ATP8A1: variants seen among roughly 807,000 people sequenced by gnomAD.
ATP8A1 encodes the protein phospholipid-transporting ATPase IA.
Under a neutral mutation model 177.7 loss-of-function variants are expected in ATP8A1, and 90 were observed. The observed-to-expected ratio is 0.51, with a 90% confidence interval of 0.43 to 0.60. The LOEUF (loss-of-function observed/expected upper bound fraction) is 0.60. Among genes scored for constraint, ATP8A1 ranks in the 20% least tolerant of loss-of-function variants. The pLI, the probability that ATP8A1 is intolerant of heterozygous loss-of-function variation, is 0.00. For missense variants in ATP8A1, 1,072 were observed against 1,392.8 expected (o/e 0.77, Z 3.67); for synonymous variants, 493 against 485.9 (o/e 1.01, Z -0.19).
At position 42,569,178 on chromosome 4, in the gene ATP8A1, G is replaced by A; in HGVS notation, c.1323C>T (p.Gly441=). Residue 441 remains glycine, a synonymous_variant, in exon 15 of 37, where the codon GGC becomes GGT. Transcript: ENST00000381668. ...YGHVPEPEDY[G]CSPDEWQNSQ... Reference sequence around the variant, plus strand: ...GAGCTTACCATTCATCAGGAGAGCAGCCATAATCCTCAGGTTCAGGGACAT... The same window carrying A: ...GAGCTTACCATTCATCAGGAGAGCAACCATAATCCTCAGGTTCAGGGACAT... The A allele has an allele frequency of 6.2e-7, 1 of 1,607,998 alleles. No individual in the cohort carries two copies. The highest frequency in any genetic ancestry group is 8.5e-7 in the Non-Finnish European group (1 of 1,176,946).
intron 16 of ATP8A1, among the ~76,000 whole-genome samples, chr4:42,553,762 CAAAT>C (rs1175143260): frequency 3.3e-5 from 5 of 152,048 alleles, no homozygotes; most frequent in African/African-American, 1.2e-4. Flanking sequence ...AGACCGAACA[CAAAT>C]AAATATACAC....
chr4:42,626,267 T>C (rs940754782), intron 2 of ATP8A1: 1 of 152,262 alleles, frequency 6.6e-6, no homozygotes, highest in Non-Finnish European at 1.5e-5. Flanking sequence ...ACTTAGGTCT[T>C]AGAAACACCC....
intron 1 of ATP8A1, among the ~76,000 whole-genome samples, chr4:42,635,780 C>CATATATATATATATATAT (rs1317800276): frequency 2.1e-3 from 93 of 43,386 alleles, no homozygotes; most frequent in Middle Eastern, 0.016. Flanking sequence ...CACACACACA[C>CATATATATATATATATAT]ACATATATAT....
intron 5 of ATP8A1, among the ~76,000 whole-genome samples, chr4:42,606,363 T>C (rs569890495): frequency 6.6e-6 from 1 of 152,178 alleles, no homozygotes; most frequent in African/African-American, 2.4e-5. Flanking sequence ...CCATGGTATG[T>C]ATGTGAAATC....
rs142888758 is a variant in ATP8A1 at position 42,450,700 on chromosome 4, C to A, written c.2896+1281G>T. Among the ~76,000 whole-genome samples the A allele has an allele frequency of 7.3e-3, 1,118 of 152,146 alleles. 16 individuals carry two copies. The highest frequency in any genetic ancestry group is 0.041 in the Middle Eastern group (12 of 294). ...AAACCACTGCCTTCTTTGTAATACT[C>A]ACCTCGCTTATGCCACAAGCTCTTG... On this transcript the variant is annotated intron_variant, in intron 30 of 36. Transcript: ENST00000381668.
intron 1 of ATP8A1, among the ~76,000 whole-genome samples, chr4:42,649,840 A>T (rs1740908942): frequency 6.6e-6 from 1 of 152,146 alleles, no homozygotes; most frequent in South Asian, 2.1e-4. Flanking sequence ...TAGGACATAG[A>T]TTCATTCATT....
chr4:42,507,586 G>C (rs1724504937), intron 22 of ATP8A1, among the ~76,000 whole-genome samples: 1 of 151,554 alleles, frequency 6.6e-6, no homozygotes, highest in Non-Finnish European at 1.5e-5. Context: ...GAAAGCAGCT[G>C]GGCATGGTGG....
chr4:42,420,020 CA>C (rs34391125), intron 35 of ATP8A1, among the ~76,000 whole-genome samples: 9 of 126,050 alleles, frequency 7.1e-5, no homozygotes, highest in African/African-American at 1.6e-4. Flanking sequence ...AACAAACAAA[CA>C]AAAAAAAAAA....
intron 31 of ATP8A1, among the ~76,000 whole-genome samples, chr4:42,445,486 CAATCT>C (rs1349353790): frequency 1.3e-5 from 2 of 151,920 alleles, no homozygotes; most frequent in Admixed American, 6.6e-5. Flanking sequence ...TATAATAATA[CAATCT>C]TAAATATTGT....
intron 1 of ATP8A1, among the ~76,000 whole-genome samples, chr4:42,640,549 C>A (rs1387525025): frequency 1.3e-5 from 2 of 152,172 alleles, no homozygotes; most frequent in Non-Finnish European, 1.5e-5. Flanking sequence ...AAAAATAGAA[C>A]CCTCAGCATC....
chr4:42,510,054 T>C (rs114344766), intron 22 of ATP8A1, among the ~76,000 whole-genome samples: 1,530 of 152,254 alleles, frequency 0.01, 25 homozygotes, highest in African/African-American at 0.035. Context: ...CAGCATTGAA[T>C]GTCAGCATTT....
chr4:42,633,420 T>G (rs540615990), intron 1 of ATP8A1, among the ~76,000 whole-genome samples: 1 of 152,358 alleles, frequency 6.6e-6, no homozygotes, highest in South Asian at 2.1e-4. Flanking sequence ...TGTTGTTCAT[T>G]CATTTGCTTA....
intron 30 of ATP8A1, 142 bp from the exon 31 acceptor site, chr4:42,446,786 ACCC>A: frequency 1.1e-5 from 7 of 656,860 alleles, no homozygotes; most frequent in Non-Finnish European, 1.8e-5. Flanking sequence ...AAAAAAAACA[ACCC>A]CAAACACTCT....
intron 1 of ATP8A1, among the ~76,000 whole-genome samples, chr4:42,651,806 C>T (rs1050276997): frequency 5.3e-5 from 8 of 152,184 alleles, no homozygotes; most frequent in African/African-American, 1.9e-4. Flanking sequence ...AGCCAACATC[C>T]CTTATGACTT....
chr4:42,620,979 C>T (rs772062335), intron 4 of ATP8A1, among the ~76,000 whole-genome samples: 2 of 152,138 alleles, frequency 1.3e-5, no homozygotes, highest in East Asian at 1.9e-4. Flanking sequence ...GAAACACTAG[C>T]ATGATGCCTA....
intron 6 of ATP8A1, among the ~76,000 whole-genome samples, chr4:42,597,397 C>T (rs1734823887): frequency 6.6e-6 from 1 of 152,174 alleles, no homozygotes; most frequent in Admixed American, 6.5e-5. Context: ...ATTTACAAAG[C>T]CAGTATTTCA....
At position 42,507,256 on chromosome 4, in the gene ATP8A1, T is replaced by C. The variant is rs1724466131; in HGVS notation, c.1948-102A>G. On this transcript the variant is annotated intron_variant, in intron 22 of 36. Transcript: ENST00000381668. Reference sequence around the variant, plus strand: ...TGTTTTAAAATCAGAGACTAAATGATAATTCATGGACTTTGGTGTAAATTC... The same window carrying C: ...TGTTTTAAAATCAGAGACTAAATGACAATTCATGGACTTTGGTGTAAATTC... 5 of 1,198,358 alleles carry C rather than the reference T, an allele frequency of 4.2e-6. No individual in the cohort carries two copies. In the South Asian group the frequency reaches 7.3e-5, roughly 18 times the overall value. The allele number at this position is 1,198,358 out of a possible 1,614,324, so 74.2% of individuals were successfully genotyped here. A position where few individuals can be genotyped will look rare whatever the true frequency, so the allele number is the denominator to read the frequency against.
chr4:42,624,590 A>G lies in ATP8A1; in HGVS notation c.309T>C (p.Val103=), dbSNP rs1342265961. ...VSPTGRYTTL[V]PLLFILAVAA... Reference sequence around the variant, plus strand: ...CCACAGCTAAAATAAATAAGAGAGGAACCAGTGTTGTATAACGACCTGTTG... The same window carrying G: ...CCACAGCTAAAATAAATAAGAGAGGGACCAGTGTTGTATAACGACCTGTTG... The change falls in exon 4 of 37, where the codon GTT becomes GTC. Residue 103 remains valine (V), a synonymous_variant. Transcript: ENST00000381668. The G allele has an allele frequency of 6.7e-7, 1 of 1,494,476 alleles. No individual in the cohort carries two copies. Among genetic ancestry groups the G allele is most frequent in the Non-Finnish European group, 8.9e-7 (1 of 1,119,918 alleles). The allele number at this position is 1,494,476 out of a possible 1,614,324, so 92.6% of individuals were successfully genotyped here.
chr4:42,446,098 A>AAAAAAAAAAAAAAG (rs1553874360), intron 31 of ATP8A1, among the ~76,000 whole-genome samples: 16 of 146,994 alleles, frequency 1.1e-4, no homozygotes, highest in African/African-American at 3.8e-4. Flanking sequence ...AAAAAAAAAA[A>AAAAAAAAAAAAAAG]AGAGAAGAGA....
Sources: gnomAD v4.1 joint callset for allele counts (sites outside exome capture counted in the v4.1 genomes callset) on GRCh38, gnomAD v4.1.1 for gene constraint, MANE v1.5 for transcripts, NCBI Gene and HGNC (gene_info 2026-07-23, HGNC 2026-07-21) for gene names.